SLC41A2: variants seen among roughly 807,000 people sequenced by gnomAD.
SLC41A2 encodes the protein solute carrier family 41 member 2.
SLC41A2 carries 32 observed loss-of-function variants against 58.3 expected under a neutral mutation model. The observed-to-expected ratio is 0.55, with a 90% confidence interval of 0.41 to 0.74. The LOEUF is 0.74. Ranked by LOEUF, SLC41A2 falls within the 30% of genes least tolerant of loss-of-function variation. The probability of loss-of-function intolerance (pLI) is 0.00; values close to 1 mark genes in which losing one functional copy is unlikely to be tolerated. For synonymous variants in SLC41A2, 190 were observed against 235.0 expected (o/e 0.81, Z 1.75); for missense variants, 514 against 680.6 (o/e 0.76, Z 2.72).
intron 4 of SLC41A2, among the ~76,000 whole-genome samples, chr12:104,890,664 A>T (rs1427758676): frequency 1.3e-5 from 2 of 152,220 alleles, no homozygotes; most frequent in African/African-American, 4.8e-5. Context: ...GTCTGGGTTT[A>T]AGTAGTAGAT....
At chr12:104,909,417 T>C (rs1269940408) in intron 3 of SLC41A2, among the ~76,000 whole-genome samples, 1 of 152,176 alleles carries the variant, frequency 6.6e-6, no homozygotes, top group Non-Finnish European at 1.5e-5. Context: ...GCATTGATGA[T>C]AAATGCCAGA....
intron 4 of SLC41A2, 136 bp from the exon 5 acceptor site, chr12:104,889,313 T>C: frequency 1.1e-6 from 1 of 885,234 alleles, no homozygotes; most frequent in Non-Finnish European, 1.7e-6. Context: ...CCTTTTAGAG[T>C]AGTTACTATA....
At chr12:104,940,356 G>A (rs1417667598) in intron 1 of SLC41A2, among the ~76,000 whole-genome samples, 2 of 150,906 alleles carry the variant, frequency 1.3e-5, no homozygotes, top group African/African-American at 4.9e-5. Context: ...TCACCTGGGG[G>A]GGAGGGGGGA....
chr12:104,911,379 T>G (rs2046077897), intron 2 of SLC41A2, among the ~76,000 whole-genome samples: 1 of 152,194 alleles, frequency 6.6e-6, no homozygotes, highest in Non-Finnish European at 1.5e-5. Flanking sequence ...GATTTTGGTT[T>G]ACACATGATA....
chr12:104,869,692 C>A (rs2043662899), intron 6 of SLC41A2, among the ~76,000 whole-genome samples: 1 of 152,136 alleles, frequency 6.6e-6, no homozygotes, highest in South Asian at 2.1e-4. Context: ...ATAGGACCCT[C>A]CTAACTTATT....
chr12:104,867,088 G>A (rs1286630610), intron 6 of SLC41A2, among the ~76,000 whole-genome samples: 2 of 152,014 alleles, frequency 1.3e-5, no homozygotes, highest in Non-Finnish European at 2.9e-5. Flanking sequence ...AACTCTAAAG[G>A]TAAATAGGAT....
intron 3 of SLC41A2, among the ~76,000 whole-genome samples, chr12:104,899,703 C>T (rs371112574): frequency 7.9e-5 from 12 of 152,246 alleles, no homozygotes; most frequent in African/African-American, 2.6e-4. Context: ...TATAAGTTTC[C>T]ATATGCTCTA....
intron 3 of SLC41A2, among the ~76,000 whole-genome samples, chr12:104,906,241 A>C (rs939715564): frequency 4.6e-5 from 7 of 152,234 alleles, no homozygotes; most frequent in African/African-American, 1.4e-4. Context: ...TACAGGAACC[A>C]ATATAAATCT....
intron 3 of SLC41A2, among the ~76,000 whole-genome samples, chr12:104,899,112 T>G (rs1181196936): frequency 6.6e-6 from 1 of 152,178 alleles, no homozygotes; most frequent in Non-Finnish European, 1.5e-5. Context: ...AGAACTTCCA[T>G]TTAATTCTTT....
intron 10 of SLC41A2, among the ~76,000 whole-genome samples, chr12:104,809,510 T>A (rs2041078212): frequency 6.6e-6 from 1 of 152,236 alleles, no homozygotes; most frequent in Non-Finnish European, 1.5e-5. Context: ...CTTTTCCATG[T>A]GGTCAATTCT....
At chr12:104,820,115 A>T (rs762937777) in intron 10 of SLC41A2, among the ~76,000 whole-genome samples, 2 of 152,210 alleles carry the variant, frequency 1.3e-5, no homozygotes, top group Admixed American at 6.5e-5. Context: ...TAATGCTTTC[A>T]AATACCTTCC....
intron 8 of SLC41A2, among the ~76,000 whole-genome samples, chr12:104,854,377 C>A (rs7971392): frequency 0.49 from 73,686 of 151,530 alleles, 18,802 homozygotes; most frequent in Middle Eastern, 0.57. Context: ...TCCTGGCTAA[C>A]ACGGTGAAAC....
intron 1 of SLC41A2, among the ~76,000 whole-genome samples, chr12:104,941,272 G>A (rs949392219): frequency 1.3e-5 from 2 of 152,128 alleles, no homozygotes; most frequent in African/African-American, 4.8e-5. Context: ...CATTTCTAGG[G>A]TTGCCCACTG....
chr12:104,853,640 T>A (rs370240186), intron 8 of SLC41A2, among the ~76,000 whole-genome samples: 41 of 152,268 alleles, frequency 2.7e-4, no homozygotes, highest in Middle Eastern at 6.8e-3. Context: ...GACAAGGTGG[T>A]AAATGGCTGA....
intron 8 of SLC41A2, among the ~76,000 whole-genome samples, chr12:104,856,820 C>A (rs748655153): frequency 4.6e-5 from 7 of 151,852 alleles, no homozygotes; most frequent in Non-Finnish European, 1.0e-4. Context: ...GAGAGACATG[C>A]CTAAAGACTC....
At chr12:104,926,607 A>AT (rs1408578181) in intron 2 of SLC41A2, among the ~76,000 whole-genome samples, 3 of 151,896 alleles carry the variant, frequency 2.0e-5, no homozygotes, top group Admixed American at 6.6e-5. Context: ...AAAAAAAAAA[A>AT]GAGAATACCT....
chr12:104,954,891 T>C (rs1290993222), intron 1 of SLC41A2, among the ~76,000 whole-genome samples: 10 of 152,162 alleles, frequency 6.6e-5, no homozygotes, highest in Admixed American at 6.5e-4. Flanking sequence ...GATTCTTTTC[T>C]TGACGAAATT....
chr12:104,911,411 A>G (rs772926450), intron 2 of SLC41A2, among the ~76,000 whole-genome samples: 2 of 151,180 alleles, frequency 1.3e-5, no homozygotes, highest in Admixed American at 6.6e-5. Flanking sequence ...AGATATTAAA[A>G]TAACAGATAT....
chr12:104,881,952 G>A (rs2044391576), intron 6 of SLC41A2, among the ~76,000 whole-genome samples: 1 of 152,146 alleles, frequency 6.6e-6, no homozygotes, highest in Non-Finnish European at 1.5e-5. Context: ...GGGAGTCTAA[G>A]TCTCTTTGTA....
Sources: gnomAD v4.1 joint callset for allele counts (sites outside exome capture counted in the v4.1 genomes callset) on GRCh38, gnomAD v4.1.1 for gene constraint, MANE v1.5 for transcripts, NCBI Gene and HGNC (gene_info 2026-07-23, HGNC 2026-07-21) for gene names.